Variants in ZNF804B observed in about 807,000 individuals in gnomAD.
ZNF804B encodes zinc finger protein 804B, also known as zinc finger 804B.
In ZNF804B, 80 loss-of-function variants were observed where a neutral mutation model predicts 101.4. The ratio of observed to expected loss-of-function variants is 0.79; its 90% CI spans 0.66 to 0.95. The LOEUF is 0.95. Ranked by LOEUF, ZNF804B falls within the 40% of genes least tolerant of loss-of-function variation. The probability of loss-of-function intolerance (pLI) is 0.00; values close to 1 mark genes in which losing one functional copy is unlikely to be tolerated. For missense variants in ZNF804B, 1,673 were observed against 1,561.9 expected, an observed-to-expected ratio of 1.07 and a Z score of -1.20; for synonymous variants, 622 against 558.8, an observed-to-expected ratio of 1.11 and a Z score of -1.59.
intron 1 of ZNF804B, among the ~76,000 whole-genome samples, chr7:89,165,498 A>G (rs146881943): frequency 1.2e-3 from 176 of 152,240 alleles, no homozygotes; most frequent in Non-Finnish European, 2.2e-3. Flanking sequence ...TTTTTGGCAC[A>G]TTTGTCAAAA....
intron 1 of ZNF804B, among the ~76,000 whole-genome samples, chr7:89,133,780 TA>T (rs1790589010): frequency 6.6e-6 from 1 of 152,100 alleles, no homozygotes; most frequent in African/African-American, 2.4e-5. Context: ...AAAATACTGC[TA>T]ACAGTAAACT....
At chr7:88,849,110 G>A (rs986427393) in intron 1 of ZNF804B, among the ~76,000 whole-genome samples, 4 of 152,036 alleles carry the variant, frequency 2.6e-5, no homozygotes, top group African/African-American at 9.7e-5. Flanking sequence ...TACATGAAAC[G>A]TGCTATTACG....
chr7:88,963,253 C>G (rs1793413070), intron 1 of ZNF804B, among the ~76,000 whole-genome samples: 1 of 151,272 alleles, frequency 6.6e-6, no homozygotes, highest in Non-Finnish European at 1.5e-5. Flanking sequence ...ACTCATACTT[C>G]CTGATTTAAA....
intron 1 of ZNF804B, among the ~76,000 whole-genome samples, chr7:88,799,389 G>T (rs1478656507): frequency 5.9e-5 from 9 of 151,496 alleles, no homozygotes; most frequent in Non-Finnish European, 1.2e-4. Context: ...TAAGTATTTT[G>T]CACACAATTA....
chr7:89,196,261 A>G (rs1788550518), intron 1 of ZNF804B, among the ~76,000 whole-genome samples: 1 of 151,922 alleles, frequency 6.6e-6, no homozygotes, highest in Admixed American at 6.6e-5. Flanking sequence ...CACACTTAAA[A>G]CCATCTGATC....
chr7:88,777,906 G>A (rs1295455262), intron 1 of ZNF804B, among the ~76,000 whole-genome samples: 2 of 149,994 alleles, frequency 1.3e-5, no homozygotes, highest in African/African-American at 4.9e-5. Context: ...ACTAATGAAG[G>A]AAATTATTTT....
chr7:88,926,944 G>GGGGT (rs1554346838), intron 1 of ZNF804B, among the ~76,000 whole-genome samples: 3 of 85,752 alleles, frequency 3.5e-5, no homozygotes, highest in East Asian at 8.8e-4. Context: ...GGTGGGGAGC[G>GGGGT]GGGGGAAAGC....
intron 1 of ZNF804B, among the ~76,000 whole-genome samples, chr7:88,815,233 TTTA>T (rs940487222): frequency 2.7e-5 from 4 of 148,242 alleles, no homozygotes; most frequent in Non-Finnish European, 6.0e-5. Context: ...TAAAAGTTAT[TTTA>T]TTATTTAATT....
intron 1 of ZNF804B, among the ~76,000 whole-genome samples, chr7:89,090,539 T>A (rs186608627): frequency 1.3e-5 from 2 of 152,214 alleles, no homozygotes; most frequent in South Asian, 4.1e-4. Flanking sequence ...TAGTTTTAGT[T>A]TGTTGACTAC....
chr7:88,915,236 CAT>C (rs1792614830), intron 1 of ZNF804B, among the ~76,000 whole-genome samples: 2 of 151,984 alleles, frequency 1.3e-5, no homozygotes, highest in South Asian at 4.1e-4. Context: ...TTTCAGATAA[CAT>C]GTACTTATAC....
At chr7:88,865,228 C>CAAAA (rs10706264) in intron 1 of ZNF804B, among the ~76,000 whole-genome samples, 6 of 115,812 alleles carry the variant, frequency 5.2e-5, no homozygotes, top group African/African-American at 1.2e-4. Flanking sequence ...GACTTCGTAT[C>CAAAA]AAAAAAAAAA....
At chr7:89,157,861 C>A (rs1180063815) in intron 1 of ZNF804B, among the ~76,000 whole-genome samples, 1 of 152,050 alleles carries the variant, frequency 6.6e-6, no homozygotes, top group Non-Finnish European at 1.5e-5. Context: ...TCAAAAAAGT[C>A]TGAAAATAAG....
At chr7:88,911,731 C>T (rs1054992657) in intron 1 of ZNF804B, among the ~76,000 whole-genome samples, 1 of 151,716 alleles carries the variant, frequency 6.6e-6, no homozygotes, top group Non-Finnish European at 1.5e-5. Flanking sequence ...TTATACACAG[C>T]CATATAACTA....
chr7:89,202,750 T>G (rs1036356163), intron 1 of ZNF804B, among the ~76,000 whole-genome samples: 1 of 152,098 alleles, frequency 6.6e-6, no homozygotes, highest in African/African-American at 2.4e-5. Flanking sequence ...GAATTCTCAT[T>G]CCAGATCTGC....
chr7:89,125,058 G>A (rs550938786), intron 1 of ZNF804B, among the ~76,000 whole-genome samples: 30 of 149,812 alleles, frequency 2.0e-4, no homozygotes, highest in African/African-American at 6.9e-4. Context: ...GTTTTATCAA[G>A]CTGTATTTAA....
intron 1 of ZNF804B, among the ~76,000 whole-genome samples, chr7:88,953,600 G>T (rs1343383387): frequency 6.6e-6 from 1 of 151,644 alleles, no homozygotes; most frequent in East Asian, 2.0e-4. Flanking sequence ...TTAGCACAGA[G>T]GCAATGCCTA....
chr7:89,187,631 CAAGT>C (rs1421586159), intron 1 of ZNF804B, among the ~76,000 whole-genome samples: 1 of 152,088 alleles, frequency 6.6e-6, no homozygotes, highest in South Asian at 2.1e-4. Context: ...TTTGGAGAAG[CAAGT>C]GAGTATTCAT....
intron 1 of ZNF804B, among the ~76,000 whole-genome samples, chr7:89,191,375 A>G (rs1317223865): frequency 6.6e-6 from 1 of 152,108 alleles, no homozygotes; most frequent in African/African-American, 2.4e-5. Context: ...ATGATTGTTG[A>G]TTAGCTCAGC....
chr7:89,201,236 C>G (rs1788627865), intron 1 of ZNF804B, among the ~76,000 whole-genome samples: 1 of 151,964 alleles, frequency 6.6e-6, no homozygotes, highest in Non-Finnish European at 1.5e-5. Flanking sequence ...GACACAGATT[C>G]CAACCCAGAG....
Sources: allele counts gnomAD v4.1 joint callset (sites outside exome capture counted in the v4.1 genomes callset), GRCh38; gene constraint gnomAD v4.1.1; transcripts MANE v1.5; gene names NCBI Gene and HGNC (gene_info 2026-07-23, HGNC 2026-07-21).